The following ACADL variants were observed in gnomAD, a reference collection of about 807,000 sequenced individuals.
The protein encoded by ACADL is long-chain specific acyl-CoA dehydrogenase, mitochondrial.
A neutral mutation model predicts 56.9 loss-of-function variants in ACADL; 60 were observed. The ratio of observed to expected loss-of-function variants is 1.05; its 90% confidence interval spans 0.86 to 1.31. The LOEUF (loss-of-function observed/expected upper bound fraction) is 1.31, where lower values mean the gene tolerates loss of function less well. ACADL is among the 50% of genes most tolerant of loss of function. The pLI, the probability that ACADL is intolerant of heterozygous loss-of-function variation, is 0.00. For synonymous variants in ACADL, 158 were observed against 179.7 expected (o/e 0.88, Z 0.97); for missense variants, 484 against 525.5 (o/e 0.92, Z 0.77).
intron 10 of ACADL, among the ~76,000 whole-genome samples, chr2:210,190,565 C>T (rs1485865875): frequency 6.6e-6 from 1 of 152,100 alleles, no homozygotes; most frequent in Non-Finnish European, 1.5e-5. Flanking sequence ...CAGTGAAGTT[C>T]TACATCTAAG....
chr2:210,215,401 C>T (rs1197573895), intron 4 of ACADL, among the ~76,000 whole-genome samples: 1 of 152,208 alleles, frequency 6.6e-6, no homozygotes, highest in Non-Finnish European at 1.5e-5. Context: ...TTACTAACTT[C>T]TTTCTCCTTT....
chr2:210,211,479 G>C (rs1398037164), intron 4 of ACADL, among the ~76,000 whole-genome samples: 1 of 152,218 alleles, frequency 6.6e-6, no homozygotes, highest in Non-Finnish European at 1.5e-5. Flanking sequence ...TGTTGGAGGA[G>C]GGGGCCTGGT....
At chr2:210,210,602 T>C (rs557188293) in intron 4 of ACADL, among the ~76,000 whole-genome samples, 2 of 152,296 alleles carry the variant, frequency 1.3e-5, no homozygotes, top group East Asian at 3.9e-4. Context: ...ACCATGTACT[T>C]TGCTGCCTTT....
intron 7 of ACADL, among the ~76,000 whole-genome samples, chr2:210,204,120 C>G (rs1688845568): frequency 6.6e-6 from 1 of 152,216 alleles, no homozygotes; most frequent in Admixed American, 6.5e-5. Flanking sequence ...TCAATAATCA[C>G]TTGTCAACCA....
chr2:210,201,507 A>G (rs1255642380), intron 8 of ACADL, among the ~76,000 whole-genome samples: 1 of 152,190 alleles, frequency 6.6e-6, no homozygotes, highest in African/African-American at 2.4e-5. Context: ...ATAGGAAACT[A>G]TTTTTGAGAG....
Position 210,205,678 on chromosome 2 carries a change from C to G in ACADL, c.722G>C (p.Gly241Ala), listed in dbSNP as rs146511220. 1,675 of 1,613,912 alleles carry G rather than the reference C, an allele frequency of 1.0e-3. 16 individuals carry two copies. In the Middle Eastern group the frequency reaches 0.028, roughly 27 times the overall value. Residue 241 changes from glycine (G) to alanine (A), a missense_variant, in exon 6 of 11, where the codon GGA (glycine) becomes GCA (alanine). Transcript: ENST00000233710. ...SLFLVENGMK[G>A]FIKGRKLHKM... ...ATGTAGCTTTCGTCCCTTGATAAAT[C>G]CTTTCATTCCATTTTCCACCAGAAA...
At chr2:210,196,463 GA>G (rs1367555703) in intron 8 of ACADL, among the ~76,000 whole-genome samples, 2 of 151,954 alleles carry the variant, frequency 1.3e-5, no homozygotes, top group Non-Finnish European at 2.9e-5. Context: ...AGCATTTTTG[GA>G]AATCATTCTA....
intron 4 of ACADL, among the ~76,000 whole-genome samples, chr2:210,212,783 G>A (rs566824553): frequency 6.6e-6 from 1 of 152,148 alleles, no homozygotes; most frequent in East Asian, 1.9e-4. Context: ...ATGCTGCTTT[G>A]TACATAACGG....
intron 10 of ACADL, among the ~76,000 whole-genome samples, chr2:210,189,858 T>A (rs73065813): frequency 0.016 from 2,461 of 152,290 alleles, 68 homozygotes; most frequent in African/African-American, 0.056. Flanking sequence ...AATTAATGGT[T>A]GCTATTTAAT....
Position 210,212,356 on chromosome 2 carries a change from A to C in ACADL, c.537-2094T>G, listed in dbSNP as rs145944850. On this transcript the variant is annotated intron_variant, in intron 4 of 10. Transcript: ENST00000233710. ...TAAAAGAGAGGTAAAGAGAGATTTCATAGACAGAAGAGAAGGCAATGTGAC... is the reference window on the plus strand; with the variant it reads ...TAAAAGAGAGGTAAAGAGAGATTTCCTAGACAGAAGAGAAGGCAATGTGAC... Among the ~76,000 whole-genome samples the C allele has an allele frequency of 4.9e-3, 747 of 152,306 alleles. 3 individuals are homozygous for C. The highest frequency in any genetic ancestry group is 0.02 in the South Asian group (97 of 4,824).
In ACADL at chr2:210,220,724, G is replaced by T. The variant is rs922358999; in HGVS notation, c.156C>A (p.Ile52=). 5 of 1,613,096 alleles carry T rather than the reference G, an allele frequency of 3.1e-6. No homozygotes were observed. In the African/African-American group the frequency reaches 6.7e-5, roughly 22 times the overall value. Residue 52 remains isoleucine, a synonymous_variant, in exon 2 of 11, where the codon ATC becomes ATA. Coordinates refer to ENST00000233710, the MANE Select transcript of ACADL (RefSeq NM_001608.4). ...GGAAAATGTCATGCTCTGGAGAAAA[G>T]ATTCTTCGAATTCCTATATCTGTTA... ...KKLTDIGIRR[I]FSPEHDIFRK...
intron 3 of ACADL, 58 bp downstream of exon 3, chr2:210,217,907 G>T (rs1689113436): frequency 6.3e-7 from 1 of 1,588,466 alleles, no homozygotes; most frequent in Non-Finnish European, 8.6e-7. Context: ...GGTCATTTCA[G>T]AAAGGTGAGT....
At chr2:210,216,310 C>T in intron 4 of ACADL, 37 bp downstream of exon 4, 1 of 1,610,310 alleles carries the variant, frequency 6.2e-7, no homozygotes, top group Non-Finnish European at 8.5e-7. Context: ...TAAGGCACTG[C>T]TTCCAAGAAT....
intron 2 of ACADL, chr2:210,218,571 G>A (rs1022562750): frequency 6.1e-6 from 1 of 163,782 alleles, no homozygotes; most frequent in Admixed American, 6.0e-5. Flanking sequence ...ACAGGTATGA[G>A]CCACTGCACC....
intron 8 of ACADL, among the ~76,000 whole-genome samples, chr2:210,195,710 C>T (rs1020638189): frequency 6.6e-6 from 1 of 152,072 alleles, no homozygotes; most frequent in African/African-American, 2.4e-5. Context: ...TTGCTTTTTC[C>T]TCCAGAGATT....
chr2:210,192,073 T>G (rs1028717401), intron 10 of ACADL, among the ~76,000 whole-genome samples: 1 of 152,140 alleles, frequency 6.6e-6, no homozygotes, highest in African/African-American at 2.4e-5. Flanking sequence ...GAAAGAAGAT[T>G]TTTAATTTTT....
intron 4 of ACADL, among the ~76,000 whole-genome samples, chr2:210,216,116 A>G (rs1257910316): frequency 6.6e-6 from 1 of 152,204 alleles, no homozygotes; most frequent in Non-Finnish European, 1.5e-5. Context: ...TTATGGTGAA[A>G]ATTCAACTTA....
chr2:210,207,876 C>T (rs1441720918), intron 5 of ACADL, among the ~76,000 whole-genome samples: 1 of 152,158 alleles, frequency 6.6e-6, no homozygotes, highest in Non-Finnish European at 1.5e-5. Flanking sequence ...ATTCATATAT[C>T]TATCTTAAGT....
chr2:210,223,884 C>T (rs1689219207), intron 1 of ACADL, among the ~76,000 whole-genome samples: 1 of 152,024 alleles, frequency 6.6e-6, no homozygotes, highest in African/African-American at 2.4e-5. Flanking sequence ...CTTTCGATAA[C>T]GACAGACGGA....
Sources: gnomAD v4.1 joint callset for allele counts (sites outside exome capture counted in the v4.1 genomes callset) on GRCh38, gnomAD v4.1.1 for gene constraint, MANE v1.5 for transcripts, NCBI Gene and HGNC (gene_info 2026-07-23, HGNC 2026-07-21) for gene names.